NLGN1: variants seen among roughly 807,000 people sequenced by gnomAD.
The protein encoded by NLGN1 is neuroligin 1, also known as neuroligin-1.
A neutral mutation model predicts 65.5 loss-of-function variants in NLGN1; 12 were observed. The observed-to-expected ratio is 0.18, with a 90% CI of 0.12 to 0.30. The LOEUF (loss-of-function observed/expected upper bound fraction) is 0.30, where lower values mean the gene tolerates loss of function less well. Among genes scored for constraint, NLGN1 ranks in the 10% least tolerant of loss-of-function variants. The pLI, the probability that NLGN1 is intolerant of heterozygous loss-of-function variation, is 1.00. For missense variants in NLGN1, 750 were observed against 1,007.1 expected (o/e 0.74, Z 3.46); for synonymous variants, 350 against 359.5 (o/e 0.97, Z 0.30).
intron 3 of NLGN1, among the ~76,000 whole-genome samples, chr3:173,610,207 G>A (rs1039209559): frequency 2.0e-5 from 3 of 151,876 alleles, no homozygotes; most frequent in African/African-American, 4.8e-5. Flanking sequence ...TGTGGGCTGT[G>A]AAAGAAAAGA....
intron 4 of NLGN1, among the ~76,000 whole-genome samples, chr3:173,815,808 A>G (rs1335385427): frequency 6.6e-6 from 1 of 152,150 alleles, no homozygotes; most frequent in Non-Finnish European, 1.5e-5. Context: ...AGCCTTTCAT[A>G]TACTTCTGTG....
chr3:173,554,718 C>A (rs1165637003), intron 2 of NLGN1, among the ~76,000 whole-genome samples: 1 of 152,130 alleles, frequency 6.6e-6, no homozygotes, highest in African/African-American at 2.4e-5. Flanking sequence ...TTGAAAAAAG[C>A]TGCTATGAAT....
intron 4 of NLGN1, among the ~76,000 whole-genome samples, chr3:174,079,279 A>T (rs541568870): frequency 5.9e-5 from 9 of 152,328 alleles, no homozygotes; most frequent in African/African-American, 1.9e-4. Context: ...CAACACTCAT[A>T]TGAAAAAAAG....
chr3:173,839,427 T>C, intron 4 of NLGN1, among the ~76,000 whole-genome samples: 1 of 150,276 alleles, frequency 6.7e-6, no homozygotes, highest in Admixed American at 6.6e-5. Flanking sequence ...GTTTTGTTTT[T>C]TTGTTTTTTT....
At chr3:173,522,918 C>A (rs1412540083) in intron 2 of NLGN1, among the ~76,000 whole-genome samples, 1 of 152,096 alleles carries the variant, frequency 6.6e-6, no homozygotes, top group Non-Finnish European at 1.5e-5. Flanking sequence ...TTCTCCTCAT[C>A]CATGCCAACA....
chr3:173,961,735 T>C lies in NLGN1; in HGVS notation c.646+153903T>C, dbSNP rs191842493. On this transcript the variant is annotated intron_variant, in intron 4 of 6. Transcript: ENST00000457714. ...AAGGTTAGACCTTGAATGTCAGATATGAGGATTCAAGCTTCTAATGATTCT... is the reference window on the plus strand; with the variant it reads ...AAGGTTAGACCTTGAATGTCAGATACGAGGATTCAAGCTTCTAATGATTCT... Among the ~76,000 whole-genome samples, 5 of 152,206 alleles carry C rather than the reference T, an allele frequency of 3.3e-5. No individual in the cohort carries two copies. The East Asian group carries it at 7.7e-4, about 23-fold the overall frequency.
chr3:174,035,389 G>A (rs963193789), intron 4 of NLGN1, among the ~76,000 whole-genome samples: 5 of 152,132 alleles, frequency 3.3e-5, no homozygotes, highest in African/African-American at 1.2e-4. Flanking sequence ...TGCTGCTCAG[G>A]TAGGCAAGAG....
chr3:173,951,411 C>T (rs528117436), intron 4 of NLGN1, among the ~76,000 whole-genome samples: 1 of 151,362 alleles, frequency 6.6e-6, no homozygotes, highest in South Asian at 2.1e-4. Context: ...TACCTTATAT[C>T]TTCTTTTTCC....
chr3:173,800,790 C>A (rs1578500037), intron 3 of NLGN1, among the ~76,000 whole-genome samples: 1 of 151,810 alleles, frequency 6.6e-6, no homozygotes. Flanking sequence ...TTTAAAAAAA[C>A]ACACACACCC....
chr3:174,272,934 T>C (rs1240178989), intron 4 of NLGN1, among the ~76,000 whole-genome samples: 1 of 151,610 alleles, frequency 6.6e-6, no homozygotes, highest in Non-Finnish European at 1.5e-5. Flanking sequence ...TCTTTAAAAC[T>C]CTTTCTTGAA....
At chr3:173,712,402 T>C (rs1170461872) in intron 3 of NLGN1, among the ~76,000 whole-genome samples, 4 of 152,160 alleles carry the variant, frequency 2.6e-5, no homozygotes, top group African/African-American at 9.7e-5. Context: ...TTAAGCTAAT[T>C]ATACTCAAGA....
intron 3 of NLGN1, chr3:173,644,336 G>T: frequency 6.3e-6 from 1 of 157,636 alleles, no homozygotes. Context: ...TGATGAACTT[G>T]AACTGGAAGT....
intron 4 of NLGN1, among the ~76,000 whole-genome samples, chr3:173,888,617 A>G (rs1302639529): frequency 6.6e-6 from 1 of 152,052 alleles, no homozygotes; most frequent in East Asian, 1.9e-4. Flanking sequence ...TTATGTTCAT[A>G]TTAATACATG....
At chr3:174,112,618 C>A (rs968392522) in intron 4 of NLGN1, among the ~76,000 whole-genome samples, 2 of 151,870 alleles carry the variant, frequency 1.3e-5, no homozygotes, top group Admixed American at 1.3e-4. Flanking sequence ...TATTTTATAT[C>A]TTCTGTTGTA....
At chr3:173,476,923 C>T (rs778462048) in intron 2 of NLGN1, among the ~76,000 whole-genome samples, 12 of 151,824 alleles carry the variant, frequency 7.9e-5, no homozygotes, top group South Asian at 2.1e-4. Context: ...ACTGAGTCAA[C>T]GTAGTTGTGG....
chr3:173,438,183 G>A (rs1206223592), intron 2 of NLGN1, among the ~76,000 whole-genome samples: 4 of 144,458 alleles, frequency 2.8e-5, no homozygotes, highest in African/African-American at 8.5e-5. Context: ...TCACTTTAAT[G>A]GTGGTTTTTT....
intron 3 of NLGN1, among the ~76,000 whole-genome samples, chr3:173,724,146 T>A (rs1771357884): frequency 6.6e-6 from 1 of 152,112 alleles, no homozygotes; most frequent in Non-Finnish European, 1.5e-5. Flanking sequence ...AGAAAATGAG[T>A]CTAAAGTTCA....
chr3:174,265,871 TTATAA>T (rs1266331722), intron 4 of NLGN1, among the ~76,000 whole-genome samples: 3 of 146,650 alleles, frequency 2.0e-5, no homozygotes, highest in Non-Finnish European at 4.5e-5. Context: ...GAGTATTTTG[TTATAA>T]TATATATATA....
At chr3:173,780,881 C>T (rs532165844) in intron 3 of NLGN1, among the ~76,000 whole-genome samples, 118 of 152,020 alleles carry the variant, frequency 7.8e-4, no homozygotes, top group Non-Finnish European at 1.1e-3. Flanking sequence ...GTGGTTCATG[C>T]CTGTAATCCC....
Sources: gnomAD v4.1 joint callset for allele counts (sites outside exome capture counted in the v4.1 genomes callset) on GRCh38, gnomAD v4.1.1 for gene constraint, MANE v1.5 for transcripts, NCBI Gene and HGNC (gene_info 2026-07-23, HGNC 2026-07-21) for gene names.